Variants in CCN3 observed in about 807,000 individuals in gnomAD.
CCN3 encodes the protein cellular communication network factor 3.
CCN3 carries 20 observed loss-of-function variants against 33.4 expected under a neutral mutation model. That is an observed-to-expected ratio of 0.60 (90% CI 0.42 to 0.87). The LOEUF (loss-of-function observed/expected upper bound fraction) is 0.87. Among genes scored for constraint, CCN3 ranks in the 40% least tolerant of loss-of-function variants. CCN3 has a pLI of 0.00. For missense variants in CCN3, 465 were observed against 455.3 expected (o/e 1.02, Z -0.19); for synonymous variants, 205 against 170.4 (o/e 1.20, Z -1.58).
rs745766182 is a variant in CCN3 at position 119,422,896 on chromosome 8, A to G, written c.838A>G (p.Asn280Asp). Residue 280 changes from asparagine to aspartate, a missense_variant, in exon 5 of 5, where the codon AAC (asparagine) becomes GAC (aspartate). By Grantham distance (23) the Asn-to-Asp change is conservative (BLOSUM62 1). Coordinates refer to ENST00000259526, the MANE Select transcript of CCN3 (RefSeq NM_002514.4). ...CAAAGCCATCCACCTGCAGTTCAAG[A>G]ACTGCACCAGCCTGCACACCTACAA... ...SLKAIHLQFK[N>D]CTSLHTYKPR... is the part of the protein sequence containing the mutation. The G allele has an allele frequency of 6.2e-7, 1 of 1,614,026 alleles. No homozygotes were observed. The highest frequency in any genetic ancestry group is 8.5e-7 in the Non-Finnish European group (1 of 1,179,970).
chr8:119,416,770 C>A lies in CCN3; in HGVS notation c.111C>A (p.Pro37=). 3 of 1,593,626 alleles carry A rather than the reference C, an allele frequency of 1.9e-6. No individual in the cohort carries two copies. The highest frequency in any genetic ancestry group is 1.7e-6 in the Non-Finnish European group (2 of 1,169,946). The change falls in exon 2 of 5, where the codon CCC becomes CCA. Residue 37 remains proline, a synonymous_variant. Coordinates refer to ENST00000259526, the MANE Select transcript of CCN3 (RefSeq NM_002514.4). ...TCGCTGCGACTCAGCGCTGCCCTCC[C>A]CAGTGCCCGGGCCGGTGCCCTGCGA... is the stretch of plus-strand genomic sequence containing the variant. The part of the protein sequence containing the change: ...GQVAATQRCP[P]QCPGRCPATP...
chr8:119,423,081 T>C lies in CCN3; in HGVS notation c.1023T>C (p.Asn341=), dbSNP rs866703513. 6.2e-7 allele frequency: 1 copy of C among 1,614,144 alleles called. No homozygotes were observed. Among genetic ancestry groups the C allele is most frequent in the Middle Eastern group, 1.6e-4 (1 of 6,062 alleles). The change falls in exon 5 of 5, where the codon AAT becomes AAC. Residue 341 remains asparagine, a synonymous_variant. Coordinates refer to ENST00000259526, the MANE Select transcript of CCN3 (RefSeq NM_002514.4). ...GTCACACCAACTGTCCTAAGAACAA[T>C]GAGGCCTTCCTCCAGGAGCTGGAGC... The part of the protein sequence containing the change: ...CTCHTNCPKN[N]EAFLQELELK...
rs1323340084 is a variant in CCN3, at chr8:119,423,329, AG to A, written c.*199del. 1 of 537,658 alleles carries A rather than the reference AG, an allele frequency of 1.9e-6. No individual in the cohort carries two copies. Among genetic ancestry groups the A allele is most frequent in the Non-Finnish European group, 3.2e-6 (1 of 308,600 alleles). 33.3% of individuals were successfully genotyped at this position (537,658 alleles called of 1,614,324 possible). ...GTAATTAACTGTAAACTTGGAATCA[AG>A]GTAAGCTCAGGATATGGCTTAGGAA... is the stretch of plus-strand genomic sequence containing the variant. On this transcript the variant is annotated 3_prime_UTR_variant, in exon 5 of 5. Transcript: ENST00000259526.
Position 119,416,930 on chromosome 8 carries a change from C to A in CCN3, c.271C>A (p.Arg91Ser). The A allele has an allele frequency of 6.2e-7, 1 of 1,613,704 alleles. No homozygotes were observed. Among genetic ancestry groups the A allele is most frequent in the South Asian group, 1.1e-5 (1 of 91,046 alleles). Residue 91 changes from arginine (R) to serine (S), a missense_variant, in exon 2 of 5, where the codon CGC becomes AGC. By Grantham distance (110) the Arg-to-Ser change is moderately radical. Transcript: ENST00000259526. ...CDESSGLYCD[R>S]SADPSNQTGI... ...CGAGAGCAGTGGCCTCTACTGTGAT[C>A]GCAGCGCGGACCCCAGCAACCAGAC...
intron 4 of CCN3, among the ~76,000 whole-genome samples, chr8:119,420,719 A>G (rs2130456124): frequency 6.6e-6 from 1 of 152,306 alleles, no homozygotes; most frequent in Admixed American, 6.5e-5. Flanking sequence ...ACAAGAATAC[A>G]CGCTAAATAT....
rs1457638145 is a variant in CCN3, at chr8:119,419,338, C to G, written c.770C>G (p.Thr257Arg). ...RPCEQEPEQPTDKKGKKCLRT... is the reference protein window; with the variant it reads ...RPCEQEPEQPRDKKGKKCLRT... ...TGTGAACAAGAGCCAGAGCAGCCAA[C>G]AGATAAGGTAGGAGCCTGGAGGAAA... is the stretch of plus-strand genomic sequence containing the variant. The change falls in exon 4 of 5, where the codon ACA becomes AGA. Residue 257 changes from threonine to arginine, a missense_variant. Physicochemically the swap from Thr to Arg is moderately conservative, Grantham distance 71. Coordinates refer to ENST00000259526, the MANE Select transcript of CCN3 (RefSeq NM_002514.4). 6.2e-7 allele frequency: 1 copy of G among 1,613,450 alleles called. No homozygotes were observed. Among genetic ancestry groups the G allele is most frequent in the Non-Finnish European group, 8.5e-7 (1 of 1,180,018 alleles).
Position 119,423,096 on chromosome 8 carries a change from G to A in CCN3, c.1038G>A (p.Gln346=), listed in dbSNP as rs763646560. 4 of 1,614,124 alleles carry A rather than the reference G, an allele frequency of 2.5e-6. No individual in the cohort carries two copies. Among genetic ancestry groups the A allele is most frequent in the Non-Finnish European group, 3.4e-6 (4 of 1,179,988 alleles). The change falls in exon 5 of 5, where the codon CAG becomes CAA. Residue 346 remains glutamine (Q), a synonymous_variant. Transcript: ENST00000259526. ...NCPKNNEAFL[Q]ELELKTTRGK... ...CTAAGAACAATGAGGCCTTCCTCCA[G>A]GAGCTGGAGCTGAAGACTACCAGAG...
At position 119,418,228 on chromosome 8, in the gene CCN3, G is replaced by T; in HGVS notation, c.481G>T (p.Val161Phe). ...GCCTAACTGCCCAGCTCCAAGAAAA[G>T]TTGAGGTGCCTGGAGAGTGCTGTGA... ...PEPNCPAPRK[V>F]EVPGECCEKW... is the part of the protein sequence containing the mutation. The change falls in exon 3 of 5, where the codon GTT (valine) becomes TTT (phenylalanine). Residue 161 changes from valine (V) to phenylalanine (F), a missense_variant. By Grantham distance (50) the Val-to-Phe change is conservative. Transcript: ENST00000259526. 1 of 1,614,202 alleles carries T rather than the reference G, an allele frequency of 6.2e-7. No homozygotes were observed.
rs751897243 is a variant in CCN3, at chr8:119,419,314, G to A, written c.746G>A (p.Cys249Tyr). 6.2e-7 allele frequency: 1 copy of A among 1,613,880 alleles called. No homozygotes were observed. Among genetic ancestry groups the A allele is most frequent in the African/African-American group, 1.3e-5 (1 of 74,918 alleles). The change falls in exon 4 of 5, where the codon TGT becomes TAT. Residue 249 changes from cysteine (C) to tyrosine (Y), a missense_variant. Coordinates refer to ENST00000259526, the MANE Select transcript of CCN3 (RefSeq NM_002514.4). ...KQTRLCMVRP[C>Y]EQEPEQPTDK... ...ACTCGGCTCTGCATGGTGCGGCCCT[G>A]TGAACAAGAGCCAGAGCAGCCAACA...
intron 4 of CCN3, 103 bp from the exon 5 acceptor site, chr8:119,422,733 C>T (rs1227205951): frequency 4.4e-6 from 4 of 912,960 alleles, no homozygotes; most frequent in African/African-American, 3.3e-5. Context: ...GAAGAAAGAC[C>T]AATAGATATT....
chr8:119,422,157 A>T (rs1173242258), intron 4 of CCN3, among the ~76,000 whole-genome samples: 4 of 147,502 alleles, frequency 2.7e-5, no homozygotes, highest in African/African-American at 9.8e-5. Flanking sequence ...AGAGAGAGAC[A>T]GAGAGAGAGA....
chr8:119,419,466 C>A lies in CCN3; in HGVS notation c.777+121C>A, dbSNP rs1464638043. The A allele has an allele frequency of 6.3e-6, 6 of 958,958 alleles. No homozygotes were observed. The East Asian group carries it at 7.7e-5, about 12-fold the overall frequency. The allele number at this position is 958,958 out of a possible 1,614,324, so 59.4% of individuals were successfully genotyped here. A position where few individuals can be genotyped will look rare whatever the true frequency, so the allele number is the denominator to read the frequency against. On this transcript the variant is annotated intron_variant, in intron 4 of 4. Transcript: ENST00000259526. ...GAGAGCAGCTATAGCGGGGAGTTAA[C>A]CCCAGAGAAAAGGCAGTGGGGTTCT...
chr8:119,422,531 T>C (rs1820138634), intron 4 of CCN3, among the ~76,000 whole-genome samples: 1 of 152,226 alleles, frequency 6.6e-6, no homozygotes, highest in African/African-American at 2.4e-5. Context: ...GCAAGGTGTT[T>C]ACATTCCAGG....
chr8:119,423,720 G>A lies in CCN3; in HGVS notation c.*588G>A, dbSNP rs1308090052. ...TTAGTTTTACACTAGGAAACGTGTT[G>A]TATCTACAGTAATGAAATGTTTACT... On this transcript the variant is annotated 3_prime_UTR_variant, in exon 5 of 5. Transcript: ENST00000259526. 1.3e-5 allele frequency: 2 copies of A among 152,352 alleles called. No individual in the cohort carries two copies. The highest frequency in any genetic ancestry group is 4.8e-5 in the African/African-American group (2 of 41,434). 9.4% of individuals were successfully genotyped at this position (152,352 alleles called of 1,614,324 possible).
intron 4 of CCN3, among the ~76,000 whole-genome samples, chr8:119,421,261 G>A (rs538813605): frequency 1.3e-5 from 2 of 152,000 alleles, no homozygotes; most frequent in African/African-American, 2.4e-5. Flanking sequence ...TGCCCGCCTC[G>A]GCCTCCCAAA....
In CCN3 at chr8:119,418,324, A is replaced by G; in HGVS notation, c.562+15A>G. The G allele has an allele frequency of 6.2e-7, 1 of 1,613,778 alleles. No homozygotes were observed. The highest frequency in any genetic ancestry group is 8.5e-7 in the Non-Finnish European group (1 of 1,179,982). On this transcript the variant is annotated intron_variant, in intron 3 of 4. Transcript: ENST00000259526. ...TACCCTTGCAGGTGAGAAACTCAAT[A>G]TACCTAGGGCTGGTCATAGTAGAGG...
rs1820117122 is a variant in CCN3, at chr8:119,421,058, A to AC, written c.777+1716dup. On this transcript the variant is annotated intron_variant, in intron 4 of 4. Transcript: ENST00000259526. Reference sequence around the variant, plus strand: ...TTTTGAGACGGAGTCTTGCTCTGTCACCCAAGCTGGAGTGCAGTGGCACAA... The same window carrying AC: ...TTTTGAGACGGAGTCTTGCTCTGTCACCCCAAGCTGGAGTGCAGTGGCACAA... 3.4e-5 allele frequency among the ~76,000 whole-genome samples: 4 copies of AC among 116,092 alleles called. No homozygotes were observed. The South Asian group carries it at 1.0e-3, about 30-fold the overall frequency. The allele number at this position is 116,092 out of a possible 152,430, so 76.2% of individuals were successfully genotyped here.
At chr8:119,417,391 A>T (rs1358846532) in intron 2 of CCN3, among the ~76,000 whole-genome samples, 2 of 152,190 alleles carry the variant, frequency 1.3e-5, no homozygotes, top group Non-Finnish European at 2.9e-5. Flanking sequence ...TCACACCTGT[A>T]ATTGTCCCAT....
Position 119,419,180 on chromosome 8 carries a change from C to T in CCN3, c.612C>T (p.Val204=). ...GAGTAGAAGTCTCTGACTCAAGTGTCAACTGCATTGAACAGACCACAGAGT... is the reference window on the plus strand; with the variant it reads ...GAGTAGAAGTCTCTGACTCAAGTGTTAACTGCATTGAACAGACCACAGAGT... ...TLGVEVSDSS[V]NCIEQTTEWT... The change falls in exon 4 of 5, where the codon GTC becomes GTT. Residue 204 remains valine (V), a synonymous_variant. Transcript: ENST00000259526. The T allele has an allele frequency of 3.1e-6, 5 of 1,614,186 alleles. No homozygotes were observed. The highest frequency in any genetic ancestry group is 4.2e-6 in the Non-Finnish European group (5 of 1,180,046).
Sources: allele counts gnomAD v4.1 joint callset (sites outside exome capture counted in the v4.1 genomes callset), GRCh38; gene constraint gnomAD v4.1.1; transcripts MANE v1.5; gene names NCBI Gene and HGNC (gene_info 2026-07-23, HGNC 2026-07-21).